Variants in FOXN3 observed in about 807,000 individuals in gnomAD.
The protein encoded by FOXN3 is forkhead box N3, also known as forkhead box protein N3.
Under a neutral mutation model 38.4 loss-of-function variants are expected in FOXN3, and 7 were observed. The ratio of observed to expected loss-of-function variants is 0.18; its 90% CI spans 0.10 to 0.34. The LOEUF is 0.34. FOXN3 is among the 10% of genes least tolerant of loss of function. FOXN3 has a pLI of 1.00. For missense variants in FOXN3, 456 were observed against 613.4 expected (o/e 0.74, Z 2.71); for synonymous variants, 230 against 242.2 (o/e 0.95, Z 0.47).
intron 1 of FOXN3, among the ~76,000 whole-genome samples, chr14:89,480,600 C>T (rs546955073): frequency 2.0e-5 from 3 of 152,154 alleles, no homozygotes; most frequent in African/African-American, 7.2e-5. Context: ...AAAAAAAGAC[C>T]TCATAAATGT....
chr14:89,257,540 C>T (rs1424742298), intron 4 of FOXN3, among the ~76,000 whole-genome samples: 1 of 152,208 alleles, frequency 6.6e-6, no homozygotes, highest in African/African-American at 2.4e-5. Flanking sequence ...GGAAATCTCT[C>T]AAAATCCTCT....
chr14:89,498,580 A>G (rs976728539), intron 1 of FOXN3, among the ~76,000 whole-genome samples: 2 of 152,140 alleles, frequency 1.3e-5, no homozygotes, highest in African/African-American at 4.8e-5. Context: ...AGTGAATTTC[A>G]TCACAATTTG....
intron 4 of FOXN3, among the ~76,000 whole-genome samples, chr14:89,215,415 C>T (rs141601296): frequency 1.2e-3 from 178 of 151,636 alleles, no homozygotes; most frequent in Non-Finnish European, 1.7e-3. Context: ...TACAGAGAGA[C>T]ATACTGTTTC....
intron 1 of FOXN3, among the ~76,000 whole-genome samples, chr14:89,599,660 G>C (rs1408110776): frequency 6.6e-6 from 1 of 152,044 alleles, no homozygotes; most frequent in Non-Finnish European, 1.5e-5. Flanking sequence ...GTGATAACCT[G>C]AGTTTCTGGG....
chr14:89,471,001 T>C (rs556534921), intron 1 of FOXN3, among the ~76,000 whole-genome samples: 16 of 152,184 alleles, frequency 1.1e-4, no homozygotes, highest in African/African-American at 3.9e-4. Context: ...CTTAAAACAC[T>C]GGGACAATCC....
At chr14:89,509,958 T>TCCCATGAAGAAGGGCATGTTC (rs1566680357) in intron 1 of FOXN3, among the ~76,000 whole-genome samples, 1 of 152,180 alleles carries the variant, frequency 6.6e-6, no homozygotes, top group African/African-American at 2.4e-5. Context: ...AGGGCATGTT[T>TCCCATGAAGAAGGGCATGTTC]CCCATGAAGA....
intron 4 of FOXN3, among the ~76,000 whole-genome samples, chr14:89,207,139 T>A (rs1888406175): frequency 6.6e-6 from 1 of 152,112 alleles, no homozygotes; most frequent in Non-Finnish European, 1.5e-5. Context: ...CAGGATCGCT[T>A]GAACCCGGGA....
chr14:89,317,273 C>G (rs1887747072), intron 3 of FOXN3, among the ~76,000 whole-genome samples: 1 of 152,216 alleles, frequency 6.6e-6, no homozygotes, highest in Admixed American at 6.5e-5. Flanking sequence ...GCAGCTCACT[C>G]AAGGTAACTC....
intron 3 of FOXN3, chr14:89,291,439 C>T (rs910610775): frequency 3.3e-6 from 2 of 611,174 alleles, no homozygotes; most frequent in Admixed American, 1.9e-5. Context: ...TGCTGTTCAT[C>T]AGCTTATCAA....
At chr14:89,485,377 T>C (rs1208461736) in intron 1 of FOXN3, among the ~76,000 whole-genome samples, 1 of 152,052 alleles carries the variant, frequency 6.6e-6, no homozygotes, top group Non-Finnish European at 1.5e-5. Flanking sequence ...AGCCTTACTT[T>C]ATAAATGCGT....
At chr14:89,537,241 G>A (rs562193201) in intron 1 of FOXN3, among the ~76,000 whole-genome samples, 7 of 152,304 alleles carry the variant, frequency 4.6e-5, no homozygotes, top group East Asian at 1.9e-4. Flanking sequence ...GAGGATTCCC[G>A]GTGGATTCCA....
intron 1 of FOXN3, among the ~76,000 whole-genome samples, chr14:89,467,566 G>C: frequency 6.8e-6 from 1 of 147,932 alleles, no homozygotes. Flanking sequence ...AAAAAAAAAG[G>C]CAAAACAGCA....
At chr14:89,535,546 TAC>T (rs1296110350) in intron 1 of FOXN3, among the ~76,000 whole-genome samples, 1 of 152,096 alleles carries the variant, frequency 6.6e-6, no homozygotes, top group African/African-American at 2.4e-5. Context: ...ACAGAGAAAA[TAC>T]AGTGAATAAA....
At chr14:89,274,001 T>A (rs1368497914) in intron 4 of FOXN3, among the ~76,000 whole-genome samples, 3 of 152,140 alleles carry the variant, frequency 2.0e-5, no homozygotes, top group Non-Finnish European at 4.4e-5. Context: ...ATCAGGAGAT[T>A]TATGCATTAG....
chr14:89,468,213 G>A (rs1449142389), intron 1 of FOXN3, among the ~76,000 whole-genome samples: 1 of 151,822 alleles, frequency 6.6e-6, no homozygotes, highest in Non-Finnish European at 1.5e-5. Flanking sequence ...CAGCACTTTG[G>A]GAGGCTGGGG....
intron 4 of FOXN3, among the ~76,000 whole-genome samples, chr14:89,214,479 T>A (rs1424953984): frequency 1.3e-5 from 2 of 152,218 alleles, no homozygotes; most frequent in East Asian, 3.8e-4. Flanking sequence ...CTGGGCTCCA[T>A]GCCACTCACT....
chr14:89,205,515 G>A (rs543870151), intron 4 of FOXN3, among the ~76,000 whole-genome samples: 5 of 152,332 alleles, frequency 3.3e-5, no homozygotes, highest in South Asian at 2.1e-4. Context: ...TGACGTAAGC[G>A]GCTGGACGTT....
At chr14:89,367,070 C>T (rs1438359269) in intron 2 of FOXN3, among the ~76,000 whole-genome samples, 1 of 152,106 alleles carries the variant, frequency 6.6e-6, no homozygotes, top group Non-Finnish European at 1.5e-5. Context: ...TAATCATGAG[C>T]CCTTCTCTCT....
intron 1 of FOXN3, among the ~76,000 whole-genome samples, chr14:89,547,614 A>G (rs1894912816): frequency 6.6e-6 from 1 of 152,088 alleles, no homozygotes; most frequent in African/African-American, 2.4e-5. Flanking sequence ...AGATTTATTG[A>G]TAATAGCATC....
Sources: gnomAD v4.1 joint callset for allele counts (sites outside exome capture counted in the v4.1 genomes callset) on GRCh38, gnomAD v4.1.1 for gene constraint, MANE v1.5 for transcripts, NCBI Gene and HGNC (gene_info 2026-07-23, HGNC 2026-07-21) for gene names.